The following FER variants were observed in gnomAD, a reference collection of about 807,000 sequenced individuals.
The protein encoded by FER is FER tyrosine kinase.
In FER, 63 loss-of-function variants were observed where a neutral mutation model predicts 111.0. The observed-to-expected ratio is 0.57, with a 90% CI of 0.46 to 0.70. The LOEUF is 0.70. Among genes scored for constraint, FER ranks in the 30% least tolerant of loss-of-function variants. The pLI, the probability that FER is intolerant of heterozygous loss-of-function variation, is 0.00. For missense variants in FER, 914 were observed against 954.0 expected, an observed-to-expected ratio of 0.96 and a Z score of 0.55; for synonymous variants, 327 against 313.9, an observed-to-expected ratio of 1.04 and a Z score of -0.44.
At chr5:108,934,431 G>C (rs1026075423) in intron 10 of FER, among the ~76,000 whole-genome samples, 2 of 152,088 alleles carry the variant, frequency 1.3e-5, no homozygotes, top group African/African-American at 2.4e-5. Flanking sequence ...TTATGGCCCA[G>C]TAATTTTCAC....
At chr5:109,180,636 C>G in intron 17 of FER, 111 bp from the exon 18 acceptor site, 1 of 1,218,454 alleles carries the variant, frequency 8.2e-7, no homozygotes, top group South Asian at 1.5e-5. Context: ...CATTCTTAAC[C>G]TCATTATAAA....
rs1312154707 is a variant in FER at position 108,835,181 on chromosome 5, G to GCCGCCCCCCCC, written c.382-525_382-524insGCCCCCCCCCC. 4.4e-4 allele frequency among the ~76,000 whole-genome samples: 25 copies of GCCGCCCCCCCC among 56,326 alleles called. 3 individuals carry two copies. Among genetic ancestry groups the GCCGCCCCCCCC allele is most frequent in the Non-Finnish European group, 6.0e-4 (18 of 30,140 alleles). 37.0% of individuals were successfully genotyped at this position (56,326 alleles called of 152,430 possible). ...ATGGCAGTGTTATTTCTTCGTTTGC[G>GCCGCCCCCCCC]CCACCCCCCCCCCCCCACTTTTTTT... On this transcript the variant is annotated intron_variant, in intron 4 of 19. Coordinates refer to ENST00000281092, the MANE Select transcript of FER (RefSeq NM_005246.4).
At chr5:108,760,078 A>T (rs569255623) in intron 1 of FER, among the ~76,000 whole-genome samples, 16 of 151,850 alleles carry the variant, frequency 1.1e-4, no homozygotes, top group Non-Finnish European at 2.1e-4. Context: ...AAACAACATT[A>T]CTCTAGTACA....
intron 10 of FER, among the ~76,000 whole-genome samples, chr5:108,920,339 T>C (rs1200421356): frequency 6.6e-6 from 1 of 152,164 alleles, no homozygotes; most frequent in Non-Finnish European, 1.5e-5. Context: ...AATTGTTTGC[T>C]ATATCTGGTG....
At chr5:109,135,841 AT>A (rs1416449827) in intron 17 of FER, among the ~76,000 whole-genome samples, 23 of 152,184 alleles carry the variant, frequency 1.5e-4, no homozygotes, top group Admixed American at 1.4e-3. Flanking sequence ...TGAAGTTCTA[AT>A]AACCAGCGCT....
At chr5:108,856,097 C>G (rs1383486589) in intron 5 of FER, among the ~76,000 whole-genome samples, 1 of 151,456 alleles carries the variant, frequency 6.6e-6, no homozygotes, top group Non-Finnish European at 1.5e-5. Flanking sequence ...CATCTAGTAC[C>G]CCAATAAATA....
At chr5:109,013,486 A>G (rs1423535836) in intron 13 of FER, among the ~76,000 whole-genome samples, 2 of 151,018 alleles carry the variant, frequency 1.3e-5, no homozygotes, top group African/African-American at 4.9e-5. Flanking sequence ...TCATTGTTGG[A>G]CATTTGGGTT....
intron 17 of FER, among the ~76,000 whole-genome samples, chr5:109,146,264 A>ATTATCTATC (rs1358467657): frequency 1.0e-5 from 1 of 95,248 alleles, no homozygotes; most frequent in African/African-American, 4.2e-5. Flanking sequence ...ATATATATAT[A>ATTATCTATC]TATATATATA....
In FER at chr5:108,770,070, T is replaced by G. The variant is rs1580437362; in HGVS notation, c.-60+1832T>G. Among the ~76,000 whole-genome samples, 5 of 152,160 alleles carry G rather than the reference T, an allele frequency of 3.3e-5. No individual in the cohort carries two copies. In the South Asian group the frequency reaches 1.0e-3, roughly 31 times the overall value. ...TTCAAGCGATTCTCCTGCCTCAGCCTCCCAAGTAGCTGGGATTACAGGCAT... is the reference window on the plus strand; with the variant it reads ...TTCAAGCGATTCTCCTGCCTCAGCCGCCCAAGTAGCTGGGATTACAGGCAT... On this transcript the variant is annotated intron_variant, in intron 2 of 19. Transcript: ENST00000281092.
At chr5:108,972,610 A>G (rs186267145) in intron 13 of FER, among the ~76,000 whole-genome samples, 225 of 152,272 alleles carry the variant, frequency 1.5e-3, no homozygotes, top group African/African-American at 5.1e-3. Context: ...GAGAGCAATA[A>G]GGATATTTTT....
chr5:108,773,733 A>G (rs750649157), intron 2 of FER, among the ~76,000 whole-genome samples: 2 of 151,958 alleles, frequency 1.3e-5, no homozygotes, highest in Non-Finnish European at 2.9e-5. Flanking sequence ...GCTGGGTCAA[A>G]TGATATTTCT....
chr5:108,882,869 A>G (rs1581036898), intron 8 of FER, among the ~76,000 whole-genome samples: 1 of 151,960 alleles, frequency 6.6e-6, no homozygotes, highest in South Asian at 2.1e-4. Context: ...ATTGTCTTCA[A>G]TTCTATACAG....
intron 13 of FER, among the ~76,000 whole-genome samples, chr5:109,005,381 G>A (rs905706658): frequency 4.6e-5 from 7 of 152,082 alleles, no homozygotes; most frequent in African/African-American, 1.7e-4. Flanking sequence ...GTGTGTGTGT[G>A]TGTGTGTATT....
intron 17 of FER, among the ~76,000 whole-genome samples, chr5:109,143,569 T>C (rs902370746): frequency 5.9e-5 from 9 of 151,976 alleles, no homozygotes; most frequent in Non-Finnish European, 1.0e-4. Flanking sequence ...GTGAACCCCA[T>C]GAAAATAGTC....
intron 2 of FER, 120 bp from the exon 3 acceptor site, chr5:108,798,004 A>G: frequency 3.8e-6 from 2 of 527,624 alleles, no homozygotes; most frequent in South Asian, 6.1e-5. Flanking sequence ...TCTTTGGAAG[A>G]AAGTATTCAG....
chr5:108,828,157 A>G (rs541509248), intron 3 of FER, among the ~76,000 whole-genome samples: 8 of 152,202 alleles, frequency 5.3e-5, no homozygotes, highest in African/African-American at 1.9e-4. Flanking sequence ...GATATGAGCC[A>G]CTGCTCCTGG....
At chr5:109,166,272 A>G (rs1471685549) in intron 17 of FER, among the ~76,000 whole-genome samples, 1 of 152,010 alleles carries the variant, frequency 6.6e-6, no homozygotes, top group Non-Finnish European at 1.5e-5. Flanking sequence ...GAAGAGGGAA[A>G]ATTTAGGTTT....
At chr5:108,774,602 G>A (rs372297971) in intron 2 of FER, among the ~76,000 whole-genome samples, 3 of 152,264 alleles carry the variant, frequency 2.0e-5, no homozygotes, top group African/African-American at 7.2e-5. Flanking sequence ...CATTGTGATT[G>A]GCATGAGAGG....
At chr5:108,894,872 C>T (rs1400649581) in intron 9 of FER, among the ~76,000 whole-genome samples, 1 of 152,022 alleles carries the variant, frequency 6.6e-6, no homozygotes, top group Non-Finnish European at 1.5e-5. Context: ...AAAAGACCCC[C>T]CATCATGTTT....
Sources: allele counts gnomAD v4.1 joint callset (sites outside exome capture counted in the v4.1 genomes callset), GRCh38; gene constraint gnomAD v4.1.1; transcripts MANE v1.5; gene names NCBI Gene and HGNC (gene_info 2026-07-23, HGNC 2026-07-21).